NXPE4: variants seen among roughly 807,000 people sequenced by gnomAD.
NXPE4 encodes the protein neurexophilin and PC-esterase domain family member 4, also known as NXPE family member 4.
A neutral mutation model predicts 33.3 loss-of-function variants in NXPE4; 42 were observed. The observed-to-expected ratio is 1.26, with a 90% CI of 0.98 to 1.63. The LOEUF is 1.63. Ranked by LOEUF, NXPE4 falls within the 40% of genes most tolerant of loss-of-function variation. The probability of loss-of-function intolerance (pLI) is 0.00; values close to 1 mark genes in which losing one functional copy is unlikely to be tolerated. For synonymous variants in NXPE4, 253 were observed against 234.9 expected, an observed-to-expected ratio of 1.08 and a Z score of -0.71; for missense variants, 709 against 647.6, an observed-to-expected ratio of 1.09 and a Z score of -1.03.
At chr11:114,650,591 A>G in the NXPE4 span, among the ~76,000 whole-genome samples, 3 of 152,190 alleles carry the variant, frequency 2.0e-5, no homozygotes, top group Admixed American at 2.0e-4. Flanking sequence ...CTACACTGCA[A>G]AGGGAGGAGG....
chr11:114,609,751 C>T, the NXPE4 span, among the ~76,000 whole-genome samples: 9 of 151,302 alleles, frequency 5.9e-5, no homozygotes, highest in South Asian at 4.2e-4. Context: ...CACTGTTACC[C>T]GGTGGACAAT....
chr11:114,601,967 A>T, the NXPE4 span, among the ~76,000 whole-genome samples: 1 of 81,832 alleles, frequency 1.2e-5, no homozygotes, highest in Non-Finnish European at 2.1e-5. Flanking sequence ...ATTATATATT[A>T]TATATTCTGT....
chr11:114,656,659 C>T, the NXPE4 span, among the ~76,000 whole-genome samples: 3 of 151,410 alleles, frequency 2.0e-5, no homozygotes, highest in Non-Finnish European at 4.4e-5. Flanking sequence ...AATCAATGGG[C>T]AAAAATCACA....
chr11:114,630,492 C>G, the NXPE4 span, among the ~76,000 whole-genome samples: 7 of 151,646 alleles, frequency 4.6e-5, no homozygotes, highest in Non-Finnish European at 1.0e-4. Context: ...GAAACTGGAT[C>G]CCTTCCTTAC....
At chr11:114,577,529 T>C (rs1949039411) in intron 5 of NXPE4, among the ~76,000 whole-genome samples, 1 of 152,044 alleles carries the variant, frequency 6.6e-6, no homozygotes, top group Non-Finnish European at 1.5e-5. Context: ...ACACCACCGG[T>C]TCCCCAAAAA....
chr11:114,650,530 A>G, the NXPE4 span, among the ~76,000 whole-genome samples: 1 of 152,204 alleles, frequency 6.6e-6, no homozygotes, highest in Non-Finnish European at 1.5e-5. Flanking sequence ...GCCTTACATC[A>G]ATGGAGGAAG....
the NXPE4 span, among the ~76,000 whole-genome samples, chr11:114,628,263 C>G: frequency 6.7e-6 from 1 of 149,474 alleles, no homozygotes; most frequent in African/African-American, 2.5e-5. Context: ...TGACCATATA[C>G]TTGGAAATAA....
chr11:114,602,261 A>G, the NXPE4 span, among the ~76,000 whole-genome samples: 2 of 118,338 alleles, frequency 1.7e-5, no homozygotes, highest in South Asian at 4.8e-4. Flanking sequence ...TATGTTATAT[A>G]TAATATATAT....
the NXPE4 span, among the ~76,000 whole-genome samples, chr11:114,625,387 A>G: frequency 6.6e-6 from 1 of 151,456 alleles, no homozygotes; most frequent in Non-Finnish European, 1.5e-5. Flanking sequence ...ACTGTTACCC[A>G]GTGGATAATA....
rs3914683 is a variant in NXPE4, at chr11:114,586,575, A to G, written c.97-3554T>C. On this transcript the variant is annotated intron_variant, in intron 2 of 5. Transcript: ENST00000375478. ...CCCCCATGTCCTCAGGGTGCTGGGA[A>G]TGTTGGCTTTGTTTCTAATTGGTTT... Among the ~76,000 whole-genome samples, 420 of 152,180 alleles carry G rather than the reference A, an allele frequency of 2.8e-3. 1 individual carries two copies. The highest frequency in any genetic ancestry group is 9.7e-3 in the African/African-American group (401 of 41,548).
the NXPE4 span, among the ~76,000 whole-genome samples, chr11:114,604,339 G>A: frequency 2.0e-5 from 3 of 151,984 alleles, no homozygotes; most frequent in East Asian, 5.8e-4. Flanking sequence ...TTGCTTCGTG[G>A]GTAACCACTG....
At chr11:114,601,849 A>C in the NXPE4 span, among the ~76,000 whole-genome samples, 1 of 43,498 alleles carries the variant, frequency 2.3e-5, no homozygotes, top group Non-Finnish European at 3.5e-5. Flanking sequence ...TATAATATAA[A>C]ATATATAATA....
the NXPE4 span, among the ~76,000 whole-genome samples, chr11:114,670,102 CA>C: frequency 6.6e-6 from 1 of 152,010 alleles, no homozygotes; most frequent in Non-Finnish European, 1.5e-5. Flanking sequence ...AACTGCCCCT[CA>C]AAGGAGTCTA....
intron 2 of NXPE4, among the ~76,000 whole-genome samples, chr11:114,592,200 G>T (rs1050117169): frequency 2.0e-5 from 3 of 152,018 alleles, no homozygotes; most frequent in African/African-American, 7.2e-5. Context: ...AATAAATAAA[G>T]GGCATACAAG....
the NXPE4 span, among the ~76,000 whole-genome samples, chr11:114,666,110 C>A: frequency 3.3e-5 from 5 of 152,116 alleles, no homozygotes; most frequent in African/African-American, 1.2e-4. Context: ...TGATGACTCT[C>A]CACATCTTTA....
At chr11:114,670,720 G>A in the NXPE4 span, among the ~76,000 whole-genome samples, 3 of 151,604 alleles carry the variant, frequency 2.0e-5, no homozygotes, top group Admixed American at 6.6e-5. Context: ...AGTAAAACAA[G>A]CAAACAACAA....
At chr11:114,656,044 C>T in the NXPE4 span, among the ~76,000 whole-genome samples, 2 of 152,064 alleles carry the variant, frequency 1.3e-5, no homozygotes, top group African/African-American at 2.4e-5. Context: ...ATCTCAGCCC[C>T]AAAACTTCTT....
the NXPE4 span, among the ~76,000 whole-genome samples, chr11:114,647,704 TA>T: frequency 1.4e-5 from 2 of 144,820 alleles, no homozygotes; most frequent in African/African-American, 5.0e-5. Flanking sequence ...TATTTTATTT[TA>T]TTTTTTTTTT....
chr11:114,585,834 G>T (rs574662380), intron 2 of NXPE4, among the ~76,000 whole-genome samples: 194 of 152,252 alleles, frequency 1.3e-3, no homozygotes, highest in Admixed American at 2.4e-3. Flanking sequence ...ACTTGCATGG[G>T]TGAATGCTGG....
Sources: allele counts gnomAD v4.1 joint callset (sites outside exome capture counted in the v4.1 genomes callset), GRCh38; gene constraint gnomAD v4.1.1; transcripts MANE v1.5; gene names NCBI Gene and HGNC (gene_info 2026-07-23, HGNC 2026-07-21).